ITPR2: variants seen among roughly 807,000 people sequenced by gnomAD.
ITPR2 encodes the protein inositol 1,4,5-trisphosphate receptor type 2, also known as inositol 1,4,5-trisphosphate-gated calcium channel ITPR2.
Under a neutral mutation model 317.1 loss-of-function variants are expected in ITPR2, and 207 were observed. That is an observed-to-expected ratio of 0.65 (90% CI 0.58 to 0.73). The LOEUF is 0.73. Ranked by LOEUF, ITPR2 falls within the 30% of genes least tolerant of loss-of-function variation. The pLI is 0.00. For missense variants in ITPR2, 2,613 were observed against 3,284.0 expected, an observed-to-expected ratio of 0.80 and a Z score of 4.99; for synonymous variants, 1,156 against 1,149.1, an observed-to-expected ratio of 1.01 and a Z score of -0.12.
chr12:26,643,999 G>C (rs1188216603), intron 21 of ITPR2, among the ~76,000 whole-genome samples: 1 of 152,196 alleles, frequency 6.6e-6, no homozygotes, highest in Non-Finnish European at 1.5e-5. Context: ...AGGGAAGCCA[G>C]ATGCTATTTA....
intron 2 of ITPR2, among the ~76,000 whole-genome samples, chr12:26,764,839 A>G (rs910970890): frequency 2.0e-5 from 3 of 152,098 alleles, no homozygotes; most frequent in African/African-American, 7.2e-5. Flanking sequence ...GGAAAAGCCC[A>G]CATTTCTTTT....
intron 1 of ITPR2, 55 bp from the exon 2 acceptor site, chr12:26,790,282 C>T: frequency 7.7e-7 from 1 of 1,299,400 alleles, no homozygotes; most frequent in East Asian, 2.3e-5. Context: ...TCATAAACCA[C>T]AGACTGCACA....
At chr12:26,484,208 T>C (rs1305383675) in intron 41 of ITPR2, among the ~76,000 whole-genome samples, 1 of 151,280 alleles carries the variant, frequency 6.6e-6, no homozygotes, top group African/African-American at 2.4e-5. Flanking sequence ...ATAATAAACA[T>C]TTCTCAGTGT....
intron 55 of ITPR2, among the ~76,000 whole-genome samples, chr12:26,357,676 G>A (rs1938685274): frequency 6.6e-6 from 1 of 152,362 alleles, no homozygotes; most frequent in African/African-American, 2.4e-5. Context: ...AGTATTGTTG[G>A]AGATCATGCT....
chr12:26,797,327 A>T (rs1950465579), intron 1 of ITPR2, among the ~76,000 whole-genome samples: 1 of 152,238 alleles, frequency 6.6e-6, no homozygotes, highest in Non-Finnish European at 1.5e-5. Flanking sequence ...AAAGAAAGCA[A>T]ATAATTCCTT....
Position 26,656,461 on chromosome 12 carries a change from C to T in ITPR2, c.2280G>A (p.Leu760=). Residue 760 remains leucine (L), a synonymous_variant, in exon 19 of 57, where the codon CTG becomes CTA. Transcript: ENST00000381340. ...TCTCATCCGACACACACCGCAGGAT[C>T]AGGTCTACAGACAGCTGTGTAGAAA... ...NQISTQLSVD[L]ILRCVSDESL... The T allele has an allele frequency of 6.2e-7, 1 of 1,614,224 alleles. No homozygotes were observed. The highest frequency in any genetic ancestry group is 8.5e-7 in the Non-Finnish European group (1 of 1,180,032).
rs1195576213 is a variant in ITPR2, at chr12:26,831,974, G to A, written c.92+716C>T. 6.6e-6 allele frequency among the ~76,000 whole-genome samples: 1 copy of A among 150,908 alleles called. No homozygotes were observed. The highest frequency in any genetic ancestry group is 1.5e-5 in the Non-Finnish European group (1 of 67,884). Reference sequence around the variant, plus strand: ...CTCGAATCTCAAGAACTCTTCACTTGGCTAAATTCCAAGAGAGGCTCAGCA... The same window carrying A: ...CTCGAATCTCAAGAACTCTTCACTTAGCTAAATTCCAAGAGAGGCTCAGCA... On this transcript the variant is annotated intron_variant, in intron 1 of 56. Transcript: ENST00000381340. The surrounding 1 kb of genome is among the most constrained non-coding windows in gnomAD (Gnocchi z 4.9).
At chr12:26,716,862 T>C (rs573519257) in intron 5 of ITPR2, among the ~76,000 whole-genome samples, 34 of 152,292 alleles carry the variant, frequency 2.2e-4, no homozygotes, top group African/African-American at 6.5e-4. Context: ...TCCTTAAACC[T>C]GATGTTCATT....
At chr12:26,628,486 G>A (rs1345002988) in intron 22 of ITPR2, among the ~76,000 whole-genome samples, 1 of 152,228 alleles carries the variant, frequency 6.6e-6, no homozygotes, top group African/African-American at 2.4e-5. Flanking sequence ...ACATTTTACA[G>A]AGTGCCATTG....
At chr12:26,388,263 T>C (rs1939724023) in intron 54 of ITPR2, among the ~76,000 whole-genome samples, 1 of 152,104 alleles carries the variant, frequency 6.6e-6, no homozygotes, top group African/African-American at 2.4e-5. Flanking sequence ...AGTTAGAGAA[T>C]AGATGAAAAG....
chr12:26,634,656 C>T (rs988535351), intron 21 of ITPR2, among the ~76,000 whole-genome samples: 9 of 151,890 alleles, frequency 5.9e-5, no homozygotes, highest in Non-Finnish European at 1.3e-4. Context: ...GAGGCCAAGG[C>T]GGGTGGATCA....
chr12:26,350,321 C>T (rs955495368), intron 55 of ITPR2, among the ~76,000 whole-genome samples: 2 of 152,214 alleles, frequency 1.3e-5, no homozygotes, highest in Admixed American at 1.3e-4. Flanking sequence ...CATCCTTAGA[C>T]TGTTTCCAGA....
chr12:26,404,468 T>A (rs562183575), intron 52 of ITPR2, among the ~76,000 whole-genome samples: 1 of 152,160 alleles, frequency 6.6e-6, no homozygotes, highest in African/African-American at 2.4e-5. Flanking sequence ...GACAATAATT[T>A]TAAAGATGTC....
intron 5 of ITPR2, among the ~76,000 whole-genome samples, chr12:26,716,946 G>A (rs1948749385): frequency 6.6e-6 from 1 of 152,082 alleles, no homozygotes; most frequent in Admixed American, 6.5e-5. Context: ...TTTAATGTAT[G>A]TTATTGTAGC....
chr12:26,349,810 C>T (rs1301354132), intron 55 of ITPR2, among the ~76,000 whole-genome samples: 1 of 152,136 alleles, frequency 6.6e-6, no homozygotes, highest in African/African-American at 2.4e-5. Flanking sequence ...CAGGGACGAG[C>T]CTATTTAATC....
chr12:26,647,937 A>G (rs1175987437), intron 21 of ITPR2, among the ~76,000 whole-genome samples: 1 of 152,134 alleles, frequency 6.6e-6, no homozygotes, highest in Non-Finnish European at 1.5e-5. Flanking sequence ...GCTGCTTCTG[A>G]GCCTAGCAAT....
chr12:26,705,230 T>G (rs1054238779), intron 9 of ITPR2, among the ~76,000 whole-genome samples: 2 of 152,150 alleles, frequency 1.3e-5, no homozygotes, highest in Admixed American at 6.5e-5. Context: ...GGCTTCCTGG[T>G]CATTCCTCCA....
intron 2 of ITPR2, among the ~76,000 whole-genome samples, chr12:26,786,449 T>TAA (rs59014121): frequency 0.011 from 1,327 of 119,194 alleles, 48 homozygotes; most frequent in African/African-American, 0.046. Context: ...GAATGATCAA[T>TAA]AAAAAAAAAA....
In ITPR2 at chr12:26,793,119, T is replaced by A. The variant is rs187054938; in HGVS notation, c.93-2892A>T. On this transcript the variant is annotated intron_variant, in intron 1 of 56. Transcript: ENST00000381340. The stretch of plus-strand genomic sequence containing the variant: ...AGATCCTTTTCATGTGTACCACTGA[T>A]AAGCCAGGTTCTCCCACCCACCAGT... Among the ~76,000 whole-genome samples the A allele has an allele frequency of 4.9e-3, 750 of 152,310 alleles. 4 individuals carry two copies. The highest frequency in any genetic ancestry group is 0.017 in the African/African-American group (716 of 41,566).
Sources: gnomAD v4.1 joint callset for allele counts (sites outside exome capture counted in the v4.1 genomes callset) on GRCh38, gnomAD v4.1.1 for gene constraint, Gnocchi (gnomAD v3.1) non-coding constraint, MANE v1.5 for transcripts, NCBI Gene and HGNC (gene_info 2026-07-23, HGNC 2026-07-21) for gene names.